The following MCPH1 variants were observed in gnomAD, a reference collection of about 807,000 sequenced individuals.
The protein encoded by MCPH1 is microcephalin.
A neutral mutation model predicts 84.5 loss-of-function variants in MCPH1; 104 were observed. That is an observed-to-expected ratio of 1.23 (90% CI 1.05 to 1.45). The LOEUF (loss-of-function observed/expected upper bound fraction) is 1.45. Ranked by LOEUF, MCPH1 falls within the 40% of genes most tolerant of loss-of-function variation. The probability of loss-of-function intolerance (pLI) is 0.00; values close to 1 mark genes in which losing one functional copy is unlikely to be tolerated. For missense variants in MCPH1, 1,498 were observed against 1,005.7 expected, an observed-to-expected ratio of 1.49 and a Z score of -6.62; for synonymous variants, 514 against 366.8, an observed-to-expected ratio of 1.40 and a Z score of -4.58.
chr8:6,435,967 C>T (rs1802581584), intron 4 of MCPH1, 81 bp from the exon 5 acceptor site: 2 of 1,540,300 alleles, frequency 1.3e-6, no homozygotes, highest in Admixed American at 1.9e-5. Context: ...TAAAAGGTAT[C>T]AGAAATGTAT....
At chr8:6,433,630 CAAAAAAAAAA>C (rs60661127) in intron 4 of MCPH1, among the ~76,000 whole-genome samples, 2 of 40,896 alleles carry the variant, frequency 4.9e-5, no homozygotes, top group Non-Finnish European at 1.0e-4. Context: ...GGCTCTGTCT[CAAAAAAAAAA>C]AAAAAAAAAA....
At chr8:6,455,463 C>T (rs1410868407) in intron 9 of MCPH1, among the ~76,000 whole-genome samples, 1 of 152,200 alleles carries the variant, frequency 6.6e-6, no homozygotes, top group Admixed American at 6.5e-5. Flanking sequence ...CAAGCTTTCT[C>T]ATATCACTTT....
At chr8:6,597,419 C>G (rs968678975) in intron 12 of MCPH1, among the ~76,000 whole-genome samples, 4 of 152,176 alleles carry the variant, frequency 2.6e-5, no homozygotes, top group Admixed American at 6.5e-5. Context: ...ATTTTGGCTA[C>G]AAGTGGCAAA....
intron 12 of MCPH1, among the ~76,000 whole-genome samples, chr8:6,578,901 G>A (rs971331465): frequency 2.0e-5 from 3 of 152,186 alleles, no homozygotes; most frequent in African/African-American, 7.2e-5. Flanking sequence ...TGTTATTCCT[G>A]GAGCTACTAC....
At chr8:6,587,565 T>G (rs1828098422) in intron 12 of MCPH1, among the ~76,000 whole-genome samples, 1 of 152,232 alleles carries the variant, frequency 6.6e-6, no homozygotes, top group Non-Finnish European at 1.5e-5. Flanking sequence ...TGAATCTGAC[T>G]ATGATTTTTG....
intron 12 of MCPH1, chr8:6,514,563 A>C: frequency 1.1e-6 from 1 of 916,594 alleles, no homozygotes; most frequent in East Asian, 2.4e-5. Context: ...CAATTTTAAA[A>C]ACCATGTCAA....
chr8:6,520,443 G>C lies in MCPH1; in HGVS notation c.2214+20514G>C, dbSNP rs147444071. Among the ~76,000 whole-genome samples the C allele has an allele frequency of 4.6e-5, 7 of 152,220 alleles. No homozygotes were observed. In the East Asian group the frequency reaches 1.4e-3, roughly 29 times the overall value. ...AGGCCATTATCCCACTGAGGACATA[G>C]TGGGGTGCAGTGACACATCTCAGCT... On this transcript the variant is annotated intron_variant, in intron 12 of 13. Transcript: ENST00000344683.
At chr8:6,614,303 G>C (rs117959794) in intron 12 of MCPH1, among the ~76,000 whole-genome samples, 114 of 152,280 alleles carry the variant, frequency 7.5e-4, no homozygotes, top group African/African-American at 2.7e-3. Flanking sequence ...GGTGCCCCAG[G>C]TTTCAGATGC....
At chr8:6,416,116 G>C (rs965218184) in intron 3 of MCPH1, among the ~76,000 whole-genome samples, 2 of 152,072 alleles carry the variant, frequency 1.3e-5, no homozygotes, top group African/African-American at 4.8e-5. Context: ...AGAAATGCAG[G>C]TGATTGTTGT....
rs1283527552 is a variant in MCPH1 at position 6,419,126 on chromosome 8, CAT to C, written c.233+4245_233+4246del. Among the ~76,000 whole-genome samples the C allele has an allele frequency of 4.1e-3, 282 of 68,886 alleles. 1 individual carries two copies. The East Asian group carries it at 0.052, about 13-fold the overall frequency. The allele number at this position is 68,886 out of a possible 152,430, so 45.2% of individuals were successfully genotyped here. ...TTCAACCCTTTTATATTTATATACA[CAT>C]ACACACACACACACACACACACAGA... On this transcript the variant is annotated intron_variant, in intron 3 of 13. Transcript: ENST00000344683.
At position 6,621,594 on chromosome 8, in the gene MCPH1, G is replaced by T. The variant is rs760206052; in HGVS notation, c.2355G>T (p.Arg785=). 9.9e-6 allele frequency: 16 copies of T among 1,614,064 alleles called. No individual in the cohort carries two copies. In the African/African-American group the frequency reaches 1.9e-4, roughly 19 times the overall value. ...AACTAGTCCACCTGTGCGGAGGCCG[G>T]GTCAGCCAAGTCCCCCGCCAGGCCA... The part of the protein sequence containing the change: ...LCELVHLCGG[R]VSQVPRQASI... The change falls in exon 13 of 14, where the codon CGG becomes CGT. Residue 785 remains arginine (R), a synonymous_variant. Transcript: ENST00000344683.
In MCPH1 at chr8:6,527,546, T is replaced by G. The variant is rs116218062; in HGVS notation, c.2214+27617T>G. 8.5e-4 allele frequency: 1,375 copies of G among 1,611,870 alleles called. 8 individuals carry two copies. In the African/African-American group the frequency reaches 0.017, roughly 20 times the overall value. ...TCCTGAATTATAAATGTTTTAGTAC[T>G]GTTATTACCTGTTCTTATCTTGCAA... is the stretch of plus-strand genomic sequence containing the variant. On this transcript the variant is annotated intron_variant, in intron 12 of 13. Transcript: ENST00000344683.
chr8:6,599,052 C>T (rs1829158305), intron 12 of MCPH1, among the ~76,000 whole-genome samples: 1 of 152,178 alleles, frequency 6.6e-6, no homozygotes. Context: ...GAATACGGGG[C>T]TCTTAAAAGT....
chr8:6,410,714 C>A (rs1310463432), intron 2 of MCPH1, among the ~76,000 whole-genome samples: 1 of 152,066 alleles, frequency 6.6e-6, no homozygotes, highest in East Asian at 1.9e-4. Flanking sequence ...ATCTTCATTC[C>A]CAAAGATAAG....
Position 6,423,063 on chromosome 8 carries a change from C to T in MCPH1, c.233+8180C>T, listed in dbSNP as rs12334805. Among the ~76,000 whole-genome samples, 820 of 151,588 alleles carry T rather than the reference C, an allele frequency of 5.4e-3. 33 individuals are homozygous for T. Among genetic ancestry groups the T allele is most frequent in the African/African-American group, 0.018 (727 of 40,968 alleles). On this transcript the variant is annotated intron_variant, in intron 3 of 13. Transcript: ENST00000344683. ...GTTTAACTCCTGACCTCAGGTGATC[C>T]GCCCACCTTGGCCTCCCAAAGTGCT...
Position 6,592,614 on chromosome 8 carries a change from CTTTTTTTTGTTTT to C in MCPH1, c.2215-28831_2215-28819del, listed in dbSNP as rs1340881355. 4.3e-3 allele frequency among the ~76,000 whole-genome samples: 281 copies of C among 65,542 alleles called. 1 individual carries two copies. Among genetic ancestry groups the C allele is most frequent in the East Asian group, 0.015 (21 of 1,400 alleles). The allele number at this position is 65,542 out of a possible 152,430, so 43.0% of individuals were successfully genotyped here. A position where few individuals can be genotyped will look rare whatever the true frequency, so the allele number is the denominator to read the frequency against. On this transcript the variant is annotated intron_variant, in intron 12 of 13. Transcript: ENST00000344683. ...GTCATCTAGGCTCTCGTTTTTCTTTCTTTTTTTTGTTTTTTTTTTTTTTTTTTTTGTTGCTGTT... is the reference window on the plus strand; with the variant it reads ...GTCATCTAGGCTCTCGTTTTTCTTTCTTTTTTTTTTTTTTTTGTTGCTGTT...
intron 12 of MCPH1, among the ~76,000 whole-genome samples, chr8:6,619,634 G>A (rs936612945): frequency 2.6e-5 from 4 of 151,426 alleles, no homozygotes; most frequent in Non-Finnish European, 4.4e-5. Context: ...GCCCAGGCTG[G>A]AGTGCAGTGG....
chr8:6,409,145 C>G, intron 1 of MCPH1, 134 bp from the exon 2 acceptor site: 1 of 760,106 alleles, frequency 1.3e-6, no homozygotes, highest in Non-Finnish European at 2.3e-6. Flanking sequence ...TTCCGCCTCC[C>G]ACAGTGCTGG....
chr8:6,442,255 T>C, intron 7 of MCPH1, 99 bp downstream of exon 7: 1 of 750,488 alleles, frequency 1.3e-6, no homozygotes, highest in Admixed American at 2.1e-5. Context: ...ATGAGTAAAA[T>C]AATTAGTTAA....
Sources: gnomAD v4.1 joint callset for allele counts (sites outside exome capture counted in the v4.1 genomes callset) on GRCh38, gnomAD v4.1.1 for gene constraint, MANE v1.5 for transcripts, NCBI Gene and HGNC (gene_info 2026-07-23, HGNC 2026-07-21) for gene names.